Variants in FGF14 observed in about 807,000 individuals in gnomAD.
The protein encoded by FGF14 is fibroblast growth factor 14.
A neutral mutation model predicts 25.5 loss-of-function variants in FGF14; 5 were observed. The ratio of observed to expected loss-of-function variants is 0.20; its 90% confidence interval spans 0.10 to 0.41. The LOEUF is 0.41. FGF14 is among the 10% of genes least tolerant of loss of function. The pLI is 1.00. For synonymous variants in FGF14, 138 were observed against 118.3 expected (o/e 1.17, Z -1.08); for missense variants, 222 against 320.1 (o/e 0.69, Z 2.34).
At chr13:102,147,399 AT>A in intron 1 of FGF14, among the ~76,000 whole-genome samples, 2 of 152,360 alleles carry the variant, frequency 1.3e-5, no homozygotes, top group Middle Eastern at 6.8e-3. Context: ...AGTGCAGGCC[AT>A]TTATTCAGCA....
intron 1 of FGF14, among the ~76,000 whole-genome samples, chr13:101,992,705 T>C (rs2038973019): frequency 6.6e-6 from 1 of 152,072 alleles, no homozygotes; most frequent in Non-Finnish European, 1.5e-5. Context: ...GAAGAATTTA[T>C]TTAATGGGCC....
At chr13:101,744,047 C>A (rs998150373) in intron 3 of FGF14, among the ~76,000 whole-genome samples, 3 of 152,124 alleles carry the variant, frequency 2.0e-5, no homozygotes, top group Admixed American at 6.6e-5. Flanking sequence ...CTGTGAGCAA[C>A]CCCTCACCAT....
Position 101,720,566 on chromosome 13 carries a change from ATATGTGTGTG to A in FGF14, c.*2255_*2264del, listed in dbSNP as rs2034907031. 8.0e-6 allele frequency: 1 copy of A among 125,770 alleles called. No individual in the cohort carries two copies. The highest frequency in any genetic ancestry group is 2.3e-4 in the South Asian group (1 of 4,322). The allele number at this position is 125,770 out of a possible 1,614,324, so 7.8% of individuals were successfully genotyped here. A position where few individuals can be genotyped will look rare whatever the true frequency, so the allele number is the denominator to read the frequency against. On this transcript the variant is annotated 3_prime_UTR_variant, in exon 5 of 5. Coordinates refer to ENST00000376143, the MANE Select transcript of FGF14 (RefSeq NM_004115.4). The stretch of plus-strand genomic sequence containing the variant: ...TGTGTGTGTGTGTGTGTGTGTGTGT[ATATGTGTGTG>A]TTTGTGTGAAGTGAAGTGTTGCTGC...
intron 1 of FGF14, among the ~76,000 whole-genome samples, chr13:102,122,381 A>G (rs1840130947): frequency 6.6e-6 from 1 of 152,172 alleles, no homozygotes; most frequent in Non-Finnish European, 1.5e-5. Flanking sequence ...CTTTCAGCAG[A>G]TATCTTGACC....
At chr13:101,974,597 AG>A (rs2139567204) in intron 1 of FGF14, among the ~76,000 whole-genome samples, 1 of 152,296 alleles carries the variant, frequency 6.6e-6, no homozygotes, top group African/African-American at 2.4e-5. Flanking sequence ...GCACAACTCC[AG>A]GGGCCACTGT....
intron 3 of FGF14, among the ~76,000 whole-genome samples, chr13:101,761,928 G>A (rs1381210542): frequency 6.6e-6 from 1 of 152,170 alleles, no homozygotes; most frequent in Non-Finnish European, 1.5e-5. Context: ...GTCCCTAAGA[G>A]AGAGGCCGCC....
At chr13:101,994,822 T>A (rs2039094629) in intron 1 of FGF14, among the ~76,000 whole-genome samples, 1 of 152,110 alleles carries the variant, frequency 6.6e-6, no homozygotes, top group African/African-American at 2.4e-5. Context: ...ATTCAAAATA[T>A]GCCTTGCATT....
chr13:102,031,555 T>C (rs1026734437), intron 1 of FGF14, among the ~76,000 whole-genome samples: 2 of 152,044 alleles, frequency 1.3e-5, no homozygotes, highest in Admixed American at 6.6e-5. Flanking sequence ...CTCATTATCA[T>C]ATTAGAATTG....
intron 1 of FGF14, among the ~76,000 whole-genome samples, chr13:102,323,957 ATG>A (rs3066051): frequency 0.1 from 13,728 of 136,270 alleles, 648 homozygotes; most frequent in East Asian, 0.17. Flanking sequence ...AACGTGCAGT[ATG>A]TGTGTGTGTG....
chr13:102,350,730 A>G (rs2057252946), intron 1 of FGF14, among the ~76,000 whole-genome samples: 1 of 152,218 alleles, frequency 6.6e-6, no homozygotes, highest in Admixed American at 6.5e-5. Flanking sequence ...CAGGTGTAAA[A>G]TGATGATATG....
chr13:101,763,825 A>C (rs1392326143), intron 3 of FGF14, among the ~76,000 whole-genome samples: 1 of 152,096 alleles, frequency 6.6e-6, no homozygotes, highest in Non-Finnish European at 1.5e-5. Context: ...GCACCACTGC[A>C]CTCCAGCCTG....
chr13:101,925,126 T>C (rs2034278549), intron 1 of FGF14, among the ~76,000 whole-genome samples: 1 of 152,200 alleles, frequency 6.6e-6, no homozygotes, highest in Admixed American at 6.5e-5. Context: ...CAATTCTACA[T>C]TTTCTGACTA....
At chr13:102,311,071 C>T (rs1466578266) in intron 1 of FGF14, among the ~76,000 whole-genome samples, 3 of 152,058 alleles carry the variant, frequency 2.0e-5, no homozygotes, top group Admixed American at 6.6e-5. Context: ...AAAAAGGATT[C>T]GGTCAGCCAT....
intron 1 of FGF14, among the ~76,000 whole-genome samples, chr13:102,183,651 C>A (rs9300717): frequency 0.14 from 21,944 of 152,180 alleles, 1,743 homozygotes; most frequent in Non-Finnish European, 0.17. Context: ...GCTCCCACCC[C>A]ATGTGAGTCA....
At chr13:102,164,518 G>A (rs962001304) in intron 1 of FGF14, among the ~76,000 whole-genome samples, 3 of 152,084 alleles carry the variant, frequency 2.0e-5, no homozygotes, top group South Asian at 2.1e-4. Context: ...TTTCCCACAG[G>A]GTGGAATGAG....
chr13:102,255,647 GAGTA>G (rs1228051081), intron 1 of FGF14, among the ~76,000 whole-genome samples: 2 of 152,176 alleles, frequency 1.3e-5, no homozygotes, highest in African/African-American at 4.8e-5. Flanking sequence ...GGTAAGCTGT[GAGTA>G]AGTAATTATC....
At chr13:102,193,277 G>A (rs1038542709) in intron 1 of FGF14, among the ~76,000 whole-genome samples, 6 of 152,136 alleles carry the variant, frequency 3.9e-5, no homozygotes, top group African/African-American at 7.2e-5. Context: ...TGGAGCATGC[G>A]TGTGGAATGA....
At chr13:101,880,437 C>T (rs986342037) in intron 1 of FGF14, among the ~76,000 whole-genome samples, 8 of 152,088 alleles carry the variant, frequency 5.3e-5, no homozygotes, top group Non-Finnish European at 1.0e-4. Context: ...CATGGTGGCA[C>T]ACGCTTGTAA....
intron 1 of FGF14, among the ~76,000 whole-genome samples, chr13:101,940,947 C>T (rs1024477559): frequency 1.7e-4 from 26 of 151,696 alleles, no homozygotes; most frequent in African/African-American, 5.8e-4. Context: ...AAAATGAAAA[C>T]AAAGTAAGTT....
Sources: gnomAD v4.1 joint callset for allele counts (sites outside exome capture counted in the v4.1 genomes callset) on GRCh38, gnomAD v4.1.1 for gene constraint, MANE v1.5 for transcripts, NCBI Gene and HGNC (gene_info 2026-07-23, HGNC 2026-07-21) for gene names.